Variants in RASEF observed in about 807,000 individuals in gnomAD.
RASEF encodes ras and EF-hand domain-containing protein.
Under a neutral mutation model 90.1 loss-of-function variants are expected in RASEF, and 68 were observed. That is an observed-to-expected ratio of 0.75 (90% CI 0.62 to 0.92). RASEF has a LOEUF of 0.92. Among genes scored for constraint, RASEF ranks in the 40% least tolerant of loss-of-function variants. RASEF has a pLI of 0.00. For synonymous variants in RASEF, 331 were observed against 345.2 expected, an observed-to-expected ratio of 0.96 and a Z score of 0.46; for missense variants, 949 against 937.2, an observed-to-expected ratio of 1.01 and a Z score of -0.16.
intron 1 of RASEF, among the ~76,000 whole-genome samples, chr9:83,036,213 T>A (rs895529556): frequency 3.9e-5 from 6 of 152,138 alleles, no homozygotes; most frequent in African/African-American, 1.4e-4. Flanking sequence ...TAAAACAAAT[T>A]AAGCTTGGAC....
At chr9:83,175,413 T>TA in the RASEF span, among the ~76,000 whole-genome samples, 2 of 152,096 alleles carry the variant, frequency 1.3e-5, no homozygotes. Flanking sequence ...CTTTAACTAA[T>TA]TTTTTTTCTG....
chr9:83,066,478 G>A (rs1490373005), upstream of RASEF, among the ~76,000 whole-genome samples: 1 of 152,168 alleles, frequency 6.6e-6, no homozygotes, highest in Non-Finnish European at 1.5e-5. Flanking sequence ...TCAACAAACA[G>A]CAAAGAGAAA....
the RASEF span, among the ~76,000 whole-genome samples, chr9:83,090,035 T>G: frequency 8.5e-5 from 13 of 152,218 alleles, no homozygotes; most frequent in African/African-American, 2.9e-4. Flanking sequence ...TTTTCTTCAT[T>G]CTTTTTTCTT....
intron 14 of RASEF, 103 bp downstream of exon 14, chr9:82,996,909 G>T (rs772806998): frequency 1.9e-5 from 13 of 693,796 alleles, no homozygotes; most frequent in African/African-American, 1.2e-4. Context: ...TGGATCAATG[G>T]TTCCTAATCA....
At chr9:83,153,480 A>G in the RASEF span, among the ~76,000 whole-genome samples, 4 of 152,194 alleles carry the variant, frequency 2.6e-5, no homozygotes, top group Non-Finnish European at 5.9e-5. Flanking sequence ...TAATGCTATC[A>G]AAACTTCAGA....
chr9:83,019,328 A>AAT (rs60264496), intron 3 of RASEF, among the ~76,000 whole-genome samples: 4,562 of 151,824 alleles, frequency 0.03, 199 homozygotes, highest in African/African-American at 0.1. Flanking sequence ...TTCAGCAAAA[A>AAT]ATATATATAT....
At chr9:83,072,402 G>A in the RASEF span, among the ~76,000 whole-genome samples, 1 of 152,190 alleles carries the variant, frequency 6.6e-6, no homozygotes, top group Non-Finnish European at 1.5e-5. Flanking sequence ...GGGTTCTCTA[G>A]AGGGACAGAA....
At chr9:83,187,636 A>G in the RASEF span, among the ~76,000 whole-genome samples, 2 of 152,170 alleles carry the variant, frequency 1.3e-5, no homozygotes, top group African/African-American at 4.8e-5. Context: ...AGTTTAATTC[A>G]CTGTTATTTC....
At chr9:83,144,391 G>GAAAGAAAGAAAGAAAGAAAAGAAA in the RASEF span, among the ~76,000 whole-genome samples, 2 of 33,220 alleles carry the variant, frequency 6.0e-5, no homozygotes, top group African/African-American at 2.0e-4. Flanking sequence ...AAGAAAGAAA[G>GAAAGAAAGAAAGAAAGAAAAGAAA]GAAAGAAAGA....
the RASEF span, among the ~76,000 whole-genome samples, chr9:83,164,797 A>C: frequency 3.9e-5 from 6 of 152,016 alleles, no homozygotes; most frequent in African/African-American, 1.4e-4. Flanking sequence ...GATTAAAACT[A>C]AACAAATGGA....
the RASEF span, among the ~76,000 whole-genome samples, chr9:83,108,887 A>T: frequency 6.6e-6 from 1 of 151,696 alleles, no homozygotes; most frequent in East Asian, 1.9e-4. Flanking sequence ...TCAAGGGAAC[A>T]ATCTACACAC....
the RASEF span, among the ~76,000 whole-genome samples, chr9:83,104,710 A>G: frequency 6.6e-6 from 1 of 152,216 alleles, no homozygotes; most frequent in Non-Finnish European, 1.5e-5. Context: ...CCAAGTCATT[A>G]CATTCTTGGT....
chr9:83,136,168 T>C, the RASEF span, among the ~76,000 whole-genome samples: 2 of 152,140 alleles, frequency 1.3e-5, no homozygotes, highest in South Asian at 4.1e-4. Context: ...TATTTCTGCA[T>C]GTATGCATAT....
At chr9:83,116,984 G>T in the RASEF span, among the ~76,000 whole-genome samples, 1 of 151,970 alleles carries the variant, frequency 6.6e-6, no homozygotes, top group Non-Finnish European at 1.5e-5. Flanking sequence ...AAGTATCTAG[G>T]GTATCCCAAG....
At chr9:83,026,524 C>A (rs1012620407) in intron 1 of RASEF, among the ~76,000 whole-genome samples, 5 of 152,022 alleles carry the variant, frequency 3.3e-5, no homozygotes, top group African/African-American at 1.2e-4. Flanking sequence ...CTCCTTAAAC[C>A]ATCAGATCTC....
At chr9:83,165,389 C>T in the RASEF span, among the ~76,000 whole-genome samples, 1 of 152,082 alleles carries the variant, frequency 6.6e-6, no homozygotes, top group African/African-American at 2.4e-5. Context: ...GATTGCATAA[C>T]ACATTTATAA....
At chr9:83,032,504 A>G (rs1829665488) in intron 1 of RASEF, among the ~76,000 whole-genome samples, 1 of 151,888 alleles carries the variant, frequency 6.6e-6, no homozygotes, top group Admixed American at 6.6e-5. Context: ...ATCTGTGCTG[A>G]GAGAGCAACC....
At chr9:83,106,458 C>T in the RASEF span, among the ~76,000 whole-genome samples, 4 of 152,166 alleles carry the variant, frequency 2.6e-5, no homozygotes, top group African/African-American at 4.8e-5. Context: ...CCTTTTCCCT[C>T]AGTCACCACC....
chr9:83,017,393 G>A (rs1244232561), intron 3 of RASEF, among the ~76,000 whole-genome samples: 11 of 151,798 alleles, frequency 7.2e-5, no homozygotes, highest in African/African-American at 1.9e-4. Flanking sequence ...CCAGCTACTC[G>A]GGAGGCTGAG....
Sources: allele counts gnomAD v4.1 joint callset (sites outside exome capture counted in the v4.1 genomes callset), GRCh38; gene constraint gnomAD v4.1.1; transcripts MANE v1.5; gene names NCBI Gene and HGNC (gene_info 2026-07-23, HGNC 2026-07-21).